Variants in ZZEF1 observed in about 807,000 individuals in gnomAD.
The protein encoded by ZZEF1 is zinc finger ZZ-type and EF-hand domain-containing protein 1.
ZZEF1 carries 157 observed loss-of-function variants against 342.8 expected under a neutral mutation model. The ratio of observed to expected loss-of-function variants is 0.46; its 90% CI spans 0.40 to 0.52. The LOEUF (loss-of-function observed/expected upper bound fraction) is 0.52. Among genes scored for constraint, ZZEF1 ranks in the 20% least tolerant of loss-of-function variants. The probability of loss-of-function intolerance (pLI) is 0.00; values close to 1 mark genes in which losing one functional copy is unlikely to be tolerated. For synonymous variants in ZZEF1, 1,505 were observed against 1,429.1 expected, an observed-to-expected ratio of 1.05 and a Z score of -1.20; for missense variants, 3,480 against 3,725.6, an observed-to-expected ratio of 0.93 and a Z score of 1.72.
intron 1 of ZZEF1, among the ~76,000 whole-genome samples, chr17:4,132,042 C>A (rs9890303): frequency 0.15 from 23,447 of 151,970 alleles, 1,990 homozygotes; most frequent in African/African-American, 0.22. Context: ...GGTAATACAG[C>A]GTTAAACACT....
At chr17:4,042,359 G>C (rs2056821072) in intron 39 of ZZEF1, 70 bp downstream of exon 39, 2 of 1,491,830 alleles carry the variant, frequency 1.3e-6, no homozygotes, top group African/African-American at 2.8e-5. Flanking sequence ...ATTTGTTTCA[G>C]TATGTGGCTT....
intron 52 of ZZEF1, among the ~76,000 whole-genome samples, chr17:4,012,744 T>C (rs577546160): frequency 6.6e-6 from 1 of 152,290 alleles, no homozygotes; most frequent in South Asian, 2.1e-4. Flanking sequence ...CACCAAATAA[T>C]CTGCATATAT....
At chr17:4,015,482 G>A (rs2056075244) in intron 49 of ZZEF1, among the ~76,000 whole-genome samples, 1 of 152,208 alleles carries the variant, frequency 6.6e-6, no homozygotes, top group African/African-American at 2.4e-5. Flanking sequence ...GCGCTAATGG[G>A]GGCCAGGTGA....
At position 4,034,080 on chromosome 17, in the gene ZZEF1, G is replaced by A. The variant is rs532648292; in HGVS notation, c.6519C>T (p.Ser2173=). The change falls in exon 40 of 55, where the codon TCC becomes TCT. Residue 2173 remains serine (S), a synonymous_variant. Transcript: ENST00000381638. ...KHNLFAAGDS[S]IVPDGWKTTH... is the part of the protein sequence containing the mutation. ...TGGTTTTCCAGCCATCTGGCACAAT[G>A]GAACTGTCCCCTGCAGCAAACAGGT... 2.5e-6 allele frequency: 4 copies of A among 1,614,212 alleles called. No individual in the cohort carries two copies. Among genetic ancestry groups the A allele is most frequent in the Non-Finnish European group, 8.5e-7 (1 of 1,180,048 alleles).
rs150460636 is a variant in ZZEF1, at chr17:4,117,089, T to G, written c.577A>C (p.Asn193His). ...GGCATCACCGCGCTGGAGAGCCGATTGCGGTGCAGGAAGCGCAGTATCATT... is the reference window on the plus strand; with the variant it reads ...GGCATCACCGCGCTGGAGAGCCGATGGCGGTGCAGGAAGCGCAGTATCATT... ...SSMILRFLHR[N>H]RLSSAVMPYP... The change falls in exon 3 of 55, where the codon AAT becomes CAT. Residue 193 changes from asparagine (N) to histidine (H), a missense_variant. By Grantham distance (68) the Asn-to-His change is moderately conservative. Coordinates refer to ENST00000381638, the MANE Select transcript of ZZEF1 (RefSeq NM_015113.4). 5.8e-5 allele frequency: 94 copies of G among 1,614,074 alleles called. No individual in the cohort carries two copies. The highest frequency in any genetic ancestry group is 7.6e-5 in the Non-Finnish European group (90 of 1,180,038).
At chr17:4,136,374 CTAGAA>C (rs2058749841) in intron 1 of ZZEF1, among the ~76,000 whole-genome samples, 1 of 150,914 alleles carries the variant, frequency 6.6e-6, no homozygotes, top group Non-Finnish European at 1.5e-5. Context: ...ATTACAGAGG[CTAGAA>C]TAAACATCTT....
chr17:4,117,436 A>C (rs1294666168), intron 2 of ZZEF1, among the ~76,000 whole-genome samples: 2 of 152,224 alleles, frequency 1.3e-5, no homozygotes, highest in Non-Finnish European at 2.9e-5. Flanking sequence ...ACCTGAGGTC[A>C]AGAGTTCGAT....
rs1381820944 is a variant in ZZEF1, at chr17:4,094,296, C to T, written c.1913+1535G>A. ...AGCTGGGACTACAGGCGCGTGATAC[C>T]ATGGCCAGCTAATTTTTATGTTTTT... On this transcript the variant is annotated intron_variant, in intron 11 of 54. Coordinates refer to ENST00000381638, the MANE Select transcript of ZZEF1 (RefSeq NM_015113.4). 2.0e-5 allele frequency among the ~76,000 whole-genome samples: 3 copies of T among 152,160 alleles called. No homozygotes were observed. In the East Asian group the frequency reaches 5.8e-4, roughly 29 times the overall value.
intron 9 of ZZEF1, among the ~76,000 whole-genome samples, chr17:4,101,326 C>T (rs758564995): frequency 4.6e-5 from 7 of 151,948 alleles, no homozygotes; most frequent in East Asian, 1.9e-4. Flanking sequence ...GAGAACCAGA[C>T]GCAAAGCAGC....
intron 54 of ZZEF1, 43 bp from the exon 55 acceptor site, chr17:4,007,013 C>T: frequency 6.6e-7 from 1 of 1,525,376 alleles, no homozygotes; most frequent in Non-Finnish European, 8.9e-7. Context: ...GGGAGCCACT[C>T]CCTCATTCAG....
intron 3 of ZZEF1, among the ~76,000 whole-genome samples, chr17:4,116,550 T>C (rs1020986279): frequency 6.6e-6 from 1 of 152,244 alleles, no homozygotes; most frequent in African/African-American, 2.4e-5. Context: ...CCTTCATTTA[T>C]CCAGCAAATA....
At chr17:4,055,143 A>G (rs1597821578) in intron 33 of ZZEF1, among the ~76,000 whole-genome samples, 1 of 152,212 alleles carries the variant, frequency 6.6e-6, no homozygotes, top group South Asian at 2.1e-4. Context: ...CTTGGACTAC[A>G]GTATTGTTTC....
chr17:4,082,520 A>G lies in ZZEF1; in HGVS notation c.2647-16T>C, dbSNP rs1328512313. 1.2e-6 allele frequency: 2 copies of G among 1,612,932 alleles called. No individual in the cohort carries two copies. Among genetic ancestry groups the G allele is most frequent in the Admixed American group, 3.3e-5 (2 of 60,018 alleles). Reference sequence around the variant, plus strand: ...CGGTGACATTCTTCTAGAAAACCAGAAATTGTATATTCAGAAAATCTAGTC... The same window carrying G: ...CGGTGACATTCTTCTAGAAAACCAGGAATTGTATATTCAGAAAATCTAGTC... On this transcript the variant is annotated splice_polypyrimidine_tract_variant and intron_variant, in intron 16 of 54. Transcript: ENST00000381638.
intron 9 of ZZEF1, among the ~76,000 whole-genome samples, chr17:4,098,619 CT>C (rs1323683247): frequency 1.3e-5 from 2 of 151,838 alleles, no homozygotes; most frequent in African/African-American, 2.4e-5. Flanking sequence ...AATAAATAAG[CT>C]TTTTTTTCTG....
At chr17:4,032,070 C>T (rs745999083) in intron 42 of ZZEF1, 56 bp downstream of exon 42, 44 of 1,573,228 alleles carry the variant, frequency 2.8e-5, no homozygotes, top group African/African-American at 1.6e-4. Flanking sequence ...TTTTAGGGTA[C>T]GGAGGGATTA....
At position 4,123,268 on chromosome 17, in the gene ZZEF1, CATATATATATATATATAT is replaced by C. The variant is rs60101709; in HGVS notation, c.499+621_499+638del. On this transcript the variant is annotated intron_variant, in intron 2 of 54. Transcript: ENST00000381638. ...TTTATACATTAGAATTTATCATAAC[CATATATATATATATATAT>C]ATATATATATATATATATATATATC... Among the ~76,000 whole-genome samples the C allele has an allele frequency of 9.4e-4, 80 of 85,330 alleles. 2 individuals are homozygous for C. The highest frequency in any genetic ancestry group is 4.5e-3 in the East Asian group (14 of 3,132). The allele number at this position is 85,330 out of a possible 152,430, so 56.0% of individuals were successfully genotyped here.
intron 17 of ZZEF1, 28 bp downstream of exon 17, chr17:4,082,409 C>A: frequency 6.2e-7 from 1 of 1,610,786 alleles, no homozygotes; most frequent in East Asian, 2.2e-5. Flanking sequence ...TTGAGTTATC[C>A]GACAATTAAA....
rs571105433 is a variant in ZZEF1, at chr17:4,014,026, C to T, written c.8413+64G>A. On this transcript the variant is annotated intron_variant, in intron 51 of 54. Transcript: ENST00000381638. This position sits in a 1 kb window ranked among gnomAD's most constrained non-coding sequence, Gnocchi z 4.4. ...TTAACCAAGATCAGTGACATCATGG[C>T]ACCCACAGCCATGGAGTGTCCCTGG... is the stretch of plus-strand genomic sequence containing the variant. 1 of 1,457,606 alleles carries T rather than the reference C, an allele frequency of 6.9e-7. No individual in the cohort carries two copies. Among genetic ancestry groups the T allele is most frequent in the African/African-American group, 1.4e-5 (1 of 71,724 alleles). 90.3% of individuals were successfully genotyped at this position (1,457,606 alleles called of 1,614,324 possible). A position where few individuals can be genotyped will look rare whatever the true frequency, so the allele number is the denominator to read the frequency against.
In ZZEF1 at chr17:4,016,394, T is replaced by C; in HGVS notation, c.8074A>G (p.Met2692Val). ...TGCACCTCCATTCCTGGCTCCTCCA[T>C]GAACTGGCATGCAGCCAGGGCCATG... Reference protein sequence around the residue: ...GTMALAACQFMEEPGMEVQVR... With the variant: ...GTMALAACQFVEEPGMEVQVR... The change falls in exon 49 of 55, where the codon ATG becomes GTG. Residue 2692 changes from methionine to valine, a missense_variant. Met to Val is a conservative substitution (Grantham distance 21). Transcript: ENST00000381638. This position sits in a 1 kb window ranked among gnomAD's most constrained non-coding sequence, Gnocchi z 4.4. The C allele has an allele frequency of 1.2e-6, 2 of 1,614,150 alleles. No individual in the cohort carries two copies. The highest frequency in any genetic ancestry group is 1.1e-5 in the South Asian group (1 of 91,084).
Sources: gnomAD v4.1 joint callset for allele counts (sites outside exome capture counted in the v4.1 genomes callset) on GRCh38, gnomAD v4.1.1 for gene constraint, Gnocchi (gnomAD v3.1) non-coding constraint, MANE v1.5 for transcripts, NCBI Gene and HGNC (gene_info 2026-07-23, HGNC 2026-07-21) for gene names.